Variants in GRIK2 observed in about 807,000 individuals in gnomAD.
The protein encoded by GRIK2 is glutamate ionotropic receptor kainate type subunit 2, also known as glutamate receptor ionotropic, kainate 2.
In GRIK2, 32 loss-of-function variants were observed where a neutral mutation model predicts 100.3. The ratio of observed to expected loss-of-function variants is 0.32; its 90% confidence interval spans 0.24 to 0.43. The LOEUF is 0.43. Among genes scored for constraint, GRIK2 ranks in the 20% least tolerant of loss-of-function variants. GRIK2 has a pLI of 1.00. For missense variants in GRIK2, 843 were observed against 1,114.9 expected (o/e 0.76, Z 3.47); for synonymous variants, 417 against 389.4 (o/e 1.07, Z -0.83).
chr6:101,442,344 C>T (rs749008165), intron 2 of GRIK2, among the ~76,000 whole-genome samples: 36 of 152,082 alleles, frequency 2.4e-4, no homozygotes, highest in Non-Finnish European at 2.5e-4. Context: ...TGTTGAATCC[C>T]AGGTTACCAC....
intron 14 of GRIK2, among the ~76,000 whole-genome samples, chr6:102,020,676 C>T (rs1350640729): frequency 2.6e-5 from 4 of 151,768 alleles, no homozygotes; most frequent in Non-Finnish European, 5.9e-5. Context: ...GGTGAAGGTT[C>T]GAAAGCCTTG....
chr6:101,769,910 A>G (rs1024148046), intron 7 of GRIK2, among the ~76,000 whole-genome samples: 1 of 152,226 alleles, frequency 6.6e-6, no homozygotes, highest in Non-Finnish European at 1.5e-5. Flanking sequence ...TACAGAGACC[A>G]ATAACAAGGT....
At chr6:101,582,059 T>A (rs1778127884) in intron 2 of GRIK2, among the ~76,000 whole-genome samples, 1 of 152,058 alleles carries the variant, frequency 6.6e-6, no homozygotes, top group Non-Finnish European at 1.5e-5. Context: ...GGTTTTTTTT[T>A]CATTGTTTTT....
intron 2 of GRIK2, among the ~76,000 whole-genome samples, chr6:101,491,979 TTA>T (rs1041601637): frequency 4.1e-4 from 62 of 152,020 alleles, no homozygotes; most frequent in African/African-American, 1.5e-3. Context: ...ATTGTTTCTG[TTA>T]TATACTTCAT....
intron 2 of GRIK2, among the ~76,000 whole-genome samples, chr6:101,505,504 C>G (rs1773975205): frequency 6.6e-6 from 1 of 152,028 alleles, no homozygotes; most frequent in Admixed American, 6.6e-5. Flanking sequence ...TATGATTGGT[C>G]CTATTATACC....
intron 7 of GRIK2, among the ~76,000 whole-genome samples, chr6:101,773,330 A>G (rs74675370): frequency 0.018 from 2,800 of 152,108 alleles, 95 homozygotes; most frequent in African/African-American, 0.065. Flanking sequence ...AACACAAAAA[A>G]TTAGCCAGGC....
intron 12 of GRIK2, among the ~76,000 whole-genome samples, chr6:101,909,971 T>C (rs914721353): frequency 7.0e-6 from 1 of 143,066 alleles, no homozygotes; most frequent in Non-Finnish European, 1.5e-5. Context: ...TTATGAGTTT[T>C]GAGAACAGAT....
chr6:101,961,211 A>C (rs1344193812), intron 14 of GRIK2, among the ~76,000 whole-genome samples: 1 of 152,132 alleles, frequency 6.6e-6, no homozygotes, highest in Non-Finnish European at 1.5e-5. Context: ...TGAGGGTTCC[A>C]GCAAATCCCT....
intron 13 of GRIK2, 41 bp from the exon 14 acceptor site, chr6:101,928,374 A>G: frequency 1.0e-6 from 1 of 1,000,248 alleles, no homozygotes; most frequent in Non-Finnish European, 1.6e-6. Flanking sequence ...TGCTGATCAA[A>G]TTCTCTATAT....
intron 7 of GRIK2, among the ~76,000 whole-genome samples, chr6:101,757,732 G>A (rs1777226252): frequency 6.6e-6 from 1 of 152,152 alleles, no homozygotes; most frequent in East Asian, 1.9e-4. Flanking sequence ...TGTGTTAATG[G>A]AATTGAGATC....
At chr6:101,435,137 A>C (rs1769641437) in intron 2 of GRIK2, among the ~76,000 whole-genome samples, 1 of 152,094 alleles carries the variant, frequency 6.6e-6, no homozygotes, top group Non-Finnish European at 1.5e-5. Context: ...TTTCATCCAG[A>C]ACCAATGAGT....
chr6:101,426,098 T>G (rs1265254108), intron 2 of GRIK2, among the ~76,000 whole-genome samples: 1 of 152,234 alleles, frequency 6.6e-6, no homozygotes, highest in African/African-American at 2.4e-5. Context: ...TCGCTAAGCA[T>G]TCAAATTCCT....
chr6:101,865,759 C>T (rs6899912), intron 11 of GRIK2, among the ~76,000 whole-genome samples: 57,757 of 151,542 alleles, frequency 0.38, 12,338 homozygotes, highest in Middle Eastern at 0.57. Context: ...TGTGCTGGTG[C>T]ACTCCCGTAA....
chr6:101,402,858 C>T (rs1365269524), intron 2 of GRIK2, among the ~76,000 whole-genome samples: 2 of 152,238 alleles, frequency 1.3e-5, no homozygotes, highest in Non-Finnish European at 2.9e-5. Context: ...GCCGCAGCTG[C>T]GTCCCGGCCT....
At chr6:101,413,489 A>T (rs1049141435) in intron 2 of GRIK2, among the ~76,000 whole-genome samples, 7 of 152,116 alleles carry the variant, frequency 4.6e-5, no homozygotes, top group Non-Finnish European at 1.0e-4. Flanking sequence ...AATTATTTGC[A>T]TAACAAAGTA....
chr6:101,658,201 CCCTAGTCCCTCA>C (rs1243122509), intron 4 of GRIK2, among the ~76,000 whole-genome samples: 1 of 152,112 alleles, frequency 6.6e-6, no homozygotes, highest in African/African-American at 2.4e-5. Flanking sequence ...ACTATCCCTC[CCCTAGTCCCTCA>C]CCCCCAACAG....
chr6:101,794,816 C>A (rs1780175480), intron 7 of GRIK2, among the ~76,000 whole-genome samples: 1 of 143,712 alleles, frequency 7.0e-6, no homozygotes, highest in East Asian at 2.1e-4. Flanking sequence ...GTGTCCTTTT[C>A]TGTCCTTATG....
intron 2 of GRIK2, among the ~76,000 whole-genome samples, chr6:101,446,830 T>G (rs1183744440): frequency 6.6e-6 from 1 of 151,184 alleles, no homozygotes; most frequent in African/African-American, 2.4e-5. Context: ...AGAGAATTTA[T>G]GGAAATACTA....
intron 14 of GRIK2, among the ~76,000 whole-genome samples, chr6:101,978,252 T>C (rs945043175): frequency 1.6e-4 from 25 of 151,972 alleles, no homozygotes; most frequent in African/African-American, 5.8e-4. Context: ...GGGAGTGGTC[T>C]CTTCATCAGG....
Sources: allele counts gnomAD v4.1 joint callset (sites outside exome capture counted in the v4.1 genomes callset), GRCh38; gene constraint gnomAD v4.1.1; transcripts MANE v1.5; gene names NCBI Gene and HGNC (gene_info 2026-07-23, HGNC 2026-07-21).